The following KCTD1 variants were observed in gnomAD, a reference collection of about 807,000 sequenced individuals.
KCTD1 encodes the protein potassium channel tetramerization domain containing 1.
A neutral mutation model predicts 66.0 loss-of-function variants in KCTD1; 24 were observed. That is an observed-to-expected ratio of 0.36 (90% confidence interval 0.26 to 0.51). The LOEUF is 0.51. Among genes scored for constraint, KCTD1 ranks in the 20% least tolerant of loss-of-function variants. The pLI, the probability that KCTD1 is intolerant of heterozygous loss-of-function variation, is 0.95. For missense variants in KCTD1, 943 were observed against 1,205.2 expected (o/e 0.78, Z 3.22); for synonymous variants, 511 against 517.2 (o/e 0.99, Z 0.16).
At chr18:26,649,462 G>A (rs951031774) in intron 1 of KCTD1, among the ~76,000 whole-genome samples, 1 of 152,046 alleles carries the variant, frequency 6.6e-6, no homozygotes, top group Non-Finnish European at 1.5e-5. Flanking sequence ...AGCTGTCCCC[G>A]TTGAGCCTCG....
chr18:26,580,649 A>AT (rs1986330910), intron 1 of KCTD1, among the ~76,000 whole-genome samples: 2 of 152,156 alleles, frequency 1.3e-5, no homozygotes, highest in South Asian at 4.1e-4. Context: ...GACACTGGGG[A>AT]GGGAGTGTGG....
intron 1 of KCTD1, among the ~76,000 whole-genome samples, chr18:26,521,581 A>C (rs965631575): frequency 6.6e-5 from 10 of 152,210 alleles, no homozygotes; most frequent in African/African-American, 2.4e-4. Context: ...TTCCTTAAAG[A>C]TCTATCAAGA....
At chr18:26,467,136 GT>G (rs71376962) in intron 3 of KCTD1, among the ~76,000 whole-genome samples, 106 of 130,170 alleles carry the variant, frequency 8.1e-4, no homozygotes, top group Middle Eastern at 3.7e-3. Context: ...GGTATAGTTT[GT>G]TTTTTTTTTT....
rs1280721633 is a variant in KCTD1 at position 26,468,092 on chromosome 18, T to C, written c.2134-8167A>G. Among the ~76,000 whole-genome samples the C allele has an allele frequency of 6.6e-6, 1 of 152,200 alleles. No homozygotes were observed. The highest frequency in any genetic ancestry group is 2.4e-5 in the African/African-American group (1 of 41,442). ...CCGAAGCTCTAGACTCTTGGTGTGC[T>C]GAGAGTTGCAACCACGTGTGTGTGT... On this transcript the variant is annotated intron_variant, in intron 3 of 4. Transcript: ENST00000580059. The surrounding 1 kb of genome is among the most constrained non-coding windows in gnomAD (Gnocchi z 4.8).
intron 2 of KCTD1, among the ~76,000 whole-genome samples, chr18:26,499,668 C>T (rs1430552470): frequency 2.0e-5 from 3 of 152,176 alleles, no homozygotes; most frequent in Non-Finnish European, 2.9e-5. Flanking sequence ...ATGTAGTATG[C>T]AAGGTGACAG....
intron 1 of KCTD1, chr18:26,543,832 G>T (rs577453100): frequency 6.6e-6 from 1 of 152,332 alleles, no homozygotes; most frequent in South Asian, 2.1e-4. Context: ...ACAGGAGAGA[G>T]ACATGTCTAC....
intron 1 of KCTD1, among the ~76,000 whole-genome samples, chr18:26,592,282 C>T (rs914552656): frequency 6.6e-6 from 1 of 152,104 alleles, no homozygotes; most frequent in African/African-American, 2.4e-5. Flanking sequence ...AATAATCTTT[C>T]AAATTATGTA....
At chr18:26,615,172 G>GC (rs926368445) in intron 1 of KCTD1, among the ~76,000 whole-genome samples, 4 of 152,168 alleles carry the variant, frequency 2.6e-5, no homozygotes, top group African/African-American at 7.2e-5. Context: ...GTAAATAACT[G>GC]CCCCCCATCC....
chr18:26,461,542 A>G (rs1011117597), intron 3 of KCTD1, among the ~76,000 whole-genome samples: 1 of 152,188 alleles, frequency 6.6e-6, no homozygotes, highest in Admixed American at 6.5e-5. Context: ...CTCTTAAGAC[A>G]GGGCAGAACC....
chr18:26,586,191 G>A (rs1986467566), intron 1 of KCTD1, among the ~76,000 whole-genome samples: 1 of 152,188 alleles, frequency 6.6e-6, no homozygotes, highest in African/African-American at 2.4e-5. Flanking sequence ...TTTCCCAACA[G>A]CATGTGCTCA....
upstream of KCTD1, among the ~76,000 whole-genome samples, chr18:26,550,614 C>T (rs998104598): frequency 1.4e-5 from 2 of 143,804 alleles, no homozygotes; most frequent in East Asian, 4.0e-4. The surrounding 1 kb of genome is among the most constrained non-coding windows in gnomAD (Gnocchi z 5.4). Flanking sequence ...ACCACGCTCT[C>T]ATCCGCCCGG....
At chr18:26,523,894 C>T (rs1042372598) in intron 1 of KCTD1, among the ~76,000 whole-genome samples, 1 of 152,124 alleles carries the variant, frequency 6.6e-6, no homozygotes. Flanking sequence ...GGAATGATGA[C>T]CTGGATTCTG....
At chr18:26,559,438 C>T (rs1985792681) in intron 1 of KCTD1, among the ~76,000 whole-genome samples, 1 of 152,210 alleles carries the variant, frequency 6.6e-6, no homozygotes, top group South Asian at 2.1e-4. Context: ...GCTGGGTTCA[C>T]CCTCAGAGTG....
Position 26,548,138 on chromosome 18 carries a change from G to C in KCTD1, c.399C>G (p.Pro133=). ...INMDQSAALE[P]EAPPRLLAPR... is the part of the protein sequence containing the mutation. Reference sequence around the variant, plus strand: ...GCGCCAGCAGTCGCGGCGGCGCCTCGGGCTCCAGCGCGGCGCTCTGGTCCA... The same window carrying C: ...GCGCCAGCAGTCGCGGCGGCGCCTCCGGCTCCAGCGCGGCGCTCTGGTCCA... The change falls in exon 1 of 5, where the codon CCC becomes CCG. Residue 133 remains proline, a synonymous_variant. Coordinates refer to ENST00000580059, the MANE Select transcript of KCTD1 (RefSeq NM_001142730.3). 7.5e-7 allele frequency: 1 copy of C among 1,332,574 alleles called. No individual in the cohort carries two copies. Among genetic ancestry groups the C allele is most frequent in the Admixed American group, 3.7e-5 (1 of 26,774 alleles). The allele number at this position is 1,332,574 out of a possible 1,614,324, so 82.5% of individuals were successfully genotyped here.
chr18:26,593,818 G>A (rs1297067279), intron 1 of KCTD1, among the ~76,000 whole-genome samples: 1 of 134,546 alleles, frequency 7.4e-6, no homozygotes, highest in Non-Finnish European at 1.6e-5. Context: ...AGGAGCAGGA[G>A]GAGAAGGACA....
chr18:26,569,861 T>C (rs767304294), intron 1 of KCTD1, among the ~76,000 whole-genome samples: 3 of 152,208 alleles, frequency 2.0e-5, no homozygotes, highest in Non-Finnish European at 4.4e-5. Context: ...TCTGAGAAAC[T>C]GAATTAATTA....
At chr18:26,548,631 G>C (rs935857432), upstream of KCTD1, 3 of 1,155,470 alleles carry the variant, frequency 2.6e-6, no homozygotes, top group South Asian at 4.4e-5. Flanking sequence ...TCAGCTACCG[G>C]GAGGCAAAGC....
In KCTD1 at chr18:26,543,104, C is replaced by A. The variant is rs181683685; in HGVS notation, c.1809+3624G>T. 243 of 152,264 alleles carry A rather than the reference C, an allele frequency of 1.6e-3. 4 individuals carry two copies. Among genetic ancestry groups the A allele is most frequent in the African/African-American group, 5.7e-3 (238 of 41,550 alleles). 9.4% of individuals were successfully genotyped at this position (152,264 alleles called of 1,614,324 possible). A position where few individuals can be genotyped will look rare whatever the true frequency, so the allele number is the denominator to read the frequency against. On this transcript the variant is annotated intron_variant, in intron 1 of 4. Coordinates refer to ENST00000580059, the MANE Select transcript of KCTD1 (RefSeq NM_001142730.3). ...GGTACAAAAGCCAAAACAGTAGGCG[C>A]TCAGTAACTACTTCCTGAATGAAGA...
At chr18:26,651,103 T>G (rs1424613061) in intron 1 of KCTD1, among the ~76,000 whole-genome samples, 1 of 151,560 alleles carries the variant, frequency 6.6e-6, no homozygotes, top group African/African-American at 2.4e-5. Context: ...AATCTCACAC[T>G]GTTTTTGTTT....
Sources: gnomAD v4.1 joint callset for allele counts (sites outside exome capture counted in the v4.1 genomes callset) on GRCh38, gnomAD v4.1.1 for gene constraint, Gnocchi (gnomAD v3.1) non-coding constraint, MANE v1.5 for transcripts, NCBI Gene and HGNC (gene_info 2026-07-23, HGNC 2026-07-21) for gene names.